The following CACNA2D3 variants were observed in gnomAD, a reference collection of about 807,000 sequenced individuals.
CACNA2D3 encodes the protein voltage-dependent calcium channel subunit alpha-2/delta-3.
In CACNA2D3, 60 loss-of-function variants were observed where a neutral mutation model predicts 160.6. The observed-to-expected ratio is 0.37, with a 90% confidence interval of 0.30 to 0.46. The LOEUF (loss-of-function observed/expected upper bound fraction) is 0.46. Among genes scored for constraint, CACNA2D3 ranks in the 20% least tolerant of loss-of-function variants. CACNA2D3 has a pLI of 1.00. For synonymous variants in CACNA2D3, 558 were observed against 492.9 expected (o/e 1.13, Z -1.75); for missense variants, 1,205 against 1,365.0 (o/e 0.88, Z 1.85).
rs77663181 is a variant in CACNA2D3 at position 54,889,289 on chromosome 3, T to G, written c.2150+1237T>G. Reference sequence around the variant, plus strand: ...GAAGGGGAAGAAAATGATCAGATTTTCATTTTACAAAAAGATCTCTCTATT... The same window carrying G: ...GAAGGGGAAGAAAATGATCAGATTTGCATTTTACAAAAAGATCTCTCTATT... On this transcript the variant is annotated intron_variant, in intron 24 of 37. Transcript: ENST00000474759. Among the ~76,000 whole-genome samples, 408 of 152,290 alleles carry G rather than the reference T, an allele frequency of 2.7e-3. 1 individual carries two copies. The highest frequency in any genetic ancestry group is 0.02 in the Middle Eastern group (6 of 294).
At chr3:54,317,680 G>T (rs1703896001) in intron 2 of CACNA2D3, among the ~76,000 whole-genome samples, 1 of 152,152 alleles carries the variant, frequency 6.6e-6, no homozygotes, top group Non-Finnish European at 1.5e-5. Context: ...TAGGATTACA[G>T]GCGCCCACCA....
At chr3:54,145,770 T>G (rs1357729639) in intron 2 of CACNA2D3, among the ~76,000 whole-genome samples, 1 of 152,218 alleles carries the variant, frequency 6.6e-6, no homozygotes, top group Non-Finnish European at 1.5e-5. Flanking sequence ...CTGTCTGCTT[T>G]CAATTATGGA....
intron 27 of CACNA2D3, chr3:54,918,162 A>G (rs575853706): frequency 1.5e-4 from 42 of 286,424 alleles, no homozygotes; most frequent in Admixed American, 2.4e-4. Context: ...TACCTGGAAG[A>G]GATGGCATCT....
intron 3 of CACNA2D3, among the ~76,000 whole-genome samples, chr3:54,324,197 G>C (rs937356886): frequency 3.3e-5 from 5 of 152,090 alleles, no homozygotes; most frequent in African/African-American, 1.2e-4. Flanking sequence ...CTTTTTCTCT[G>C]TCTCTTCTGG....
intron 27 of CACNA2D3, among the ~76,000 whole-genome samples, chr3:54,944,663 C>T (rs1325928188): frequency 2.0e-5 from 3 of 152,018 alleles, no homozygotes; most frequent in African/African-American, 4.8e-5. Flanking sequence ...CCTCATGATC[C>T]GCCTGCCTCA....
chr3:54,897,406 A>C (rs1387396573), intron 26 of CACNA2D3, among the ~76,000 whole-genome samples: 1 of 152,224 alleles, frequency 6.6e-6, no homozygotes, highest in East Asian at 1.9e-4. Context: ...TAGTATAAAA[A>C]ATTAAAGTCA....
At chr3:55,001,305 G>T in intron 31 of CACNA2D3, among the ~76,000 whole-genome samples, 1 of 152,166 alleles carries the variant, frequency 6.6e-6, no homozygotes, top group Admixed American at 6.5e-5. Flanking sequence ...TCATCTTTCA[G>T]CCAGCTGGGT....
At chr3:54,725,486 C>T (rs1187019184) in intron 11 of CACNA2D3, among the ~76,000 whole-genome samples, 1 of 152,134 alleles carries the variant, frequency 6.6e-6, no homozygotes, top group Admixed American at 6.5e-5. Context: ...GTCAATATTG[C>T]TCATTAACAT....
intron 10 of CACNA2D3, among the ~76,000 whole-genome samples, chr3:54,641,872 A>T (rs999519306): frequency 2.6e-5 from 4 of 152,198 alleles, no homozygotes; most frequent in Non-Finnish European, 5.9e-5. Flanking sequence ...TTTCTTTGGG[A>T]TTCCCTTGGC....
chr3:55,005,955 G>GGGATTATTTAAAAAACAGATAATTAACAC (rs1703083860), intron 32 of CACNA2D3, among the ~76,000 whole-genome samples: 1 of 152,106 alleles, frequency 6.6e-6, no homozygotes, highest in Non-Finnish European at 1.5e-5. Flanking sequence ...ATGTTACAAG[G>GGGATTATTTAAAAAACAGATAATTAACAC]GGATTATTTA....
chr3:54,576,197 G>T (rs1385456577), intron 8 of CACNA2D3, among the ~76,000 whole-genome samples: 1 of 152,176 alleles, frequency 6.6e-6, no homozygotes, highest in Non-Finnish European at 1.5e-5. Context: ...AAGCGGAATT[G>T]CTTTCATCTC....
chr3:54,871,064 AC>A lies in CACNA2D3; in HGVS notation c.1627-474del, dbSNP rs1187869456. 5.7e-5 allele frequency among the ~76,000 whole-genome samples: 3 copies of A among 52,840 alleles called. No individual in the cohort carries two copies. In the East Asian group the frequency reaches 9.8e-3, roughly 173 times the overall value. 34.7% of individuals were successfully genotyped at this position (52,840 alleles called of 152,430 possible). On this transcript the variant is annotated intron_variant, in intron 17 of 37. Coordinates refer to ENST00000474759, the MANE Select transcript of CACNA2D3 (RefSeq NM_018398.3). Reference sequence around the variant, plus strand: ...GGGATACACACACACACACACACACACACACACACACACACACACACACACA... The same window carrying A: ...GGGATACACACACACACACACACACAACACACACACACACACACACACACA...
At chr3:54,335,674 A>G (rs1235634715) in intron 3 of CACNA2D3, among the ~76,000 whole-genome samples, 6 of 152,130 alleles carry the variant, frequency 3.9e-5, no homozygotes, top group Admixed American at 2.0e-4. Context: ...AATGCAGCCC[A>G]GTAGGTCTCA....
chr3:54,967,911 T>C (rs1022482115), intron 27 of CACNA2D3, among the ~76,000 whole-genome samples: 10 of 152,140 alleles, frequency 6.6e-5, no homozygotes, highest in Admixed American at 3.3e-4. Flanking sequence ...CAGAGTTCCA[T>C]GGGAGAGAAG....
intron 14 of CACNA2D3, among the ~76,000 whole-genome samples, chr3:54,836,637 C>T (rs535994095): frequency 1.3e-5 from 2 of 152,200 alleles, no homozygotes; most frequent in South Asian, 4.2e-4. Flanking sequence ...TATTTGTTTT[C>T]CATCTGGGAC....
At chr3:54,832,768 C>T (rs543697467) in intron 14 of CACNA2D3, among the ~76,000 whole-genome samples, 2 of 152,324 alleles carry the variant, frequency 1.3e-5, no homozygotes, top group African/African-American at 4.8e-5. Flanking sequence ...ACTTGAGGCT[C>T]CTTGGGGATA....
At chr3:54,578,897 C>T (rs1702631024) in intron 8 of CACNA2D3, among the ~76,000 whole-genome samples, 1 of 152,212 alleles carries the variant, frequency 6.6e-6, no homozygotes, top group African/African-American at 2.4e-5. Context: ...TTGCCTCACT[C>T]AATTTCTGCA....
intron 2 of CACNA2D3, among the ~76,000 whole-genome samples, chr3:54,165,140 A>G (rs1700427183): frequency 1.0e-5 from 1 of 96,192 alleles, no homozygotes; most frequent in African/African-American, 3.9e-5. Flanking sequence ...TTTTTGTCAA[A>G]CAAGATGAAT....
chr3:54,440,683 G>A (rs912922879), intron 4 of CACNA2D3, among the ~76,000 whole-genome samples: 5 of 152,052 alleles, frequency 3.3e-5, no homozygotes, highest in Admixed American at 2.0e-4. Context: ...TCCCCTTCCT[G>A]TGTCCATGTG....
Sources: gnomAD v4.1 joint callset for allele counts (sites outside exome capture counted in the v4.1 genomes callset) on GRCh38, gnomAD v4.1.1 for gene constraint, MANE v1.5 for transcripts, NCBI Gene and HGNC (gene_info 2026-07-23, HGNC 2026-07-21) for gene names.